The following EPS15 variants were observed in gnomAD, a reference collection of about 807,000 sequenced individuals.
EPS15 encodes epidermal growth factor receptor pathway substrate 15.
A neutral mutation model predicts 113.8 loss-of-function variants in EPS15; 72 were observed. The observed-to-expected ratio is 0.63, with a 90% CI of 0.52 to 0.77. The LOEUF is 0.77. Ranked by LOEUF, EPS15 falls within the 30% of genes least tolerant of loss-of-function variation. The pLI is 0.00. For synonymous variants in EPS15, 344 were observed against 363.4 expected, an observed-to-expected ratio of 0.95 and a Z score of 0.61; for missense variants, 1,048 against 1,045.8, an observed-to-expected ratio of 1.00 and a Z score of -0.03.
At chr1:51,468,644 TA>T in intron 4 of EPS15, 76 bp from the exon 5 acceptor site, 1 of 883,546 alleles carries the variant, frequency 1.1e-6, no homozygotes, top group Non-Finnish European at 1.8e-6. Flanking sequence ...ACTTACAATC[TA>T]AAAATATAAA....
chr1:51,369,703 A>G (rs1646601834), intron 21 of EPS15, among the ~76,000 whole-genome samples: 1 of 152,118 alleles, frequency 6.6e-6, no homozygotes, highest in South Asian at 2.1e-4. Context: ...GTACATGAAA[A>G]AGCTACATTT....
intron 21 of EPS15, among the ~76,000 whole-genome samples, chr1:51,380,267 C>G (rs1646911943): frequency 6.6e-6 from 1 of 151,420 alleles, no homozygotes; most frequent in South Asian, 2.1e-4. Context: ...GGGAGTCATT[C>G]AAGTTGAAAT....
chr1:51,433,010 G>C (rs2148465104), intron 12 of EPS15, among the ~76,000 whole-genome samples: 1 of 152,258 alleles, frequency 6.6e-6, no homozygotes, highest in South Asian at 2.1e-4. Flanking sequence ...GAACTCTCCA[G>C]ACATAATGGT....
intron 21 of EPS15, among the ~76,000 whole-genome samples, chr1:51,381,531 T>C (rs1421807040): frequency 6.6e-6 from 1 of 152,130 alleles, no homozygotes; most frequent in Non-Finnish European, 1.5e-5. Context: ...AGGCAGAGGT[T>C]GCAGTGAGCT....
Position 51,508,372 on chromosome 1 carries a change from G to GAAAGAA in EPS15, c.33+10821_33+10826dup, listed in dbSNP as rs1553139650. Among the ~76,000 whole-genome samples, 248 of 150,910 alleles carry GAAAGAA rather than the reference G, an allele frequency of 1.6e-3. 3 individuals carry two copies. The highest frequency in any genetic ancestry group is 2.6e-3 in the Non-Finnish European group (178 of 67,692). ...AGAAAGAAAGAAAGAAAGAAAGAAAGAAAGAAAGAAAGAGAAAATTTAAAC... is the reference window on the plus strand; with the variant it reads ...AGAAAGAAAGAAAGAAAGAAAGAAAGAAAGAAAAAGAAAGAAAGAGAAAATTTAAAC... On this transcript the variant is annotated intron_variant, in intron 1 of 24. Coordinates refer to ENST00000371733, the MANE Select transcript of EPS15 (RefSeq NM_001981.3).
chr1:51,457,498 T>C (rs1212579649), intron 8 of EPS15: 1 of 150,652 alleles, frequency 6.6e-6, no homozygotes, highest in Non-Finnish European at 1.5e-5. Flanking sequence ...TTTTCGGATT[T>C]TGGAATATTA....
chr1:51,465,062 A>ATG (rs1226406730), intron 6 of EPS15, among the ~76,000 whole-genome samples, 199 bp downstream of exon 6: 5 of 152,196 alleles, frequency 3.3e-5, no homozygotes, highest in African/African-American at 9.7e-5. Flanking sequence ...ATTATAACAG[A>ATG]TATACAAGTA....
intron 21 of EPS15, among the ~76,000 whole-genome samples, chr1:51,368,282 T>TA: frequency 6.6e-6 from 1 of 152,266 alleles, no homozygotes; most frequent in East Asian, 1.9e-4. Context: ...GCAAAGAAGA[T>TA]ACACTATTTT....
At chr1:51,441,486 G>C (rs1370689274) in intron 11 of EPS15, among the ~76,000 whole-genome samples, 1 of 152,054 alleles carries the variant, frequency 6.6e-6, no homozygotes, top group Non-Finnish European at 1.5e-5. Context: ...ACTGAGGCCT[G>C]AACATTTAAA....
chr1:51,514,282 T>C (rs1183813156), intron 1 of EPS15, among the ~76,000 whole-genome samples: 1 of 152,182 alleles, frequency 6.6e-6, no homozygotes, highest in Non-Finnish European at 1.5e-5. Context: ...CTGGAGTAAC[T>C]TTTCGTTTAT....
At chr1:51,499,975 A>C (rs1239599634) in intron 1 of EPS15, among the ~76,000 whole-genome samples, 1 of 152,182 alleles carries the variant, frequency 6.6e-6, no homozygotes. Flanking sequence ...CCTTGTTACC[A>C]ATTATTCTAC....
chr1:51,407,019 T>G (rs1485737005), intron 15 of EPS15, among the ~76,000 whole-genome samples: 1 of 152,182 alleles, frequency 6.6e-6, no homozygotes, highest in Non-Finnish European at 1.5e-5. Flanking sequence ...GTGAAGGACT[T>G]CATTATATGT....
Position 51,426,837 on chromosome 1 carries a change from C to CTCTCTATA in EPS15, c.1041-4980_1041-4979insTATAGAGA, listed in dbSNP as rs377211027. On this transcript the variant is annotated intron_variant, in intron 12 of 24. Transcript: ENST00000371733. ...AATCTGTCTCTCTCTCTCTCTCTCT[C>CTCTCTATA]TATATATATATATATACACACACAC... Among the ~76,000 whole-genome samples, 151 of 143,638 alleles carry CTCTCTATA rather than the reference C, an allele frequency of 1.1e-3. 1 individual carries two copies. The highest frequency in any genetic ancestry group is 1.0e-3 in the Non-Finnish European group (68 of 65,450). The allele number at this position is 143,638 out of a possible 152,430, so 94.2% of individuals were successfully genotyped here.
chr1:51,444,823 T>C, intron 11 of EPS15, 66 bp downstream of exon 11: 2 of 1,414,546 alleles, frequency 1.4e-6, no homozygotes, highest in Non-Finnish European at 2.0e-6. Context: ...AAATTGAATC[T>C]GTAATTCGAC....
In EPS15 at chr1:51,425,416, A is replaced by G. The variant is rs558169337; in HGVS notation, c.1041-3558T>C. Among the ~76,000 whole-genome samples the G allele has an allele frequency of 1.7e-4, 26 of 152,308 alleles. No homozygotes were observed. The South Asian group carries it at 4.3e-3, about 25-fold the overall frequency. ...TGATGCAATTCCAATATTATCAAAG[A>G]CAAGATAAAATCATCTTCAAAGTCC... is the stretch of plus-strand genomic sequence containing the variant. On this transcript the variant is annotated intron_variant, in intron 12 of 24. Transcript: ENST00000371733.
intron 2 of EPS15, among the ~76,000 whole-genome samples, chr1:51,480,841 C>T (rs1243976294): frequency 6.6e-6 from 1 of 152,086 alleles, no homozygotes; most frequent in Admixed American, 6.6e-5. Flanking sequence ...TGACCAGAGG[C>T]TGTATATCTG....
At chr1:51,503,157 G>C (rs1328853293) in intron 1 of EPS15, among the ~76,000 whole-genome samples, 2 of 151,826 alleles carry the variant, frequency 1.3e-5, no homozygotes, top group Non-Finnish European at 2.9e-5. Flanking sequence ...AAATAAAAAG[G>C]AAAAACATCC....
chr1:51,497,462 C>T (rs1289131071), intron 1 of EPS15, among the ~76,000 whole-genome samples: 3 of 152,102 alleles, frequency 2.0e-5, no homozygotes, highest in South Asian at 4.1e-4. Context: ...CTAATGCCCT[C>T]GAAATGATAC....
At chr1:51,508,348 G>GAAAGAAAGAA (rs1644556098) in intron 1 of EPS15, among the ~76,000 whole-genome samples, 2 of 140,598 alleles carry the variant, frequency 1.4e-5, no homozygotes, top group African/African-American at 5.4e-5. Flanking sequence ...GAGAAAGAAA[G>GAAAGAAAGAA]AAAGAAAGAA....
Sources: gnomAD v4.1 joint callset for allele counts (sites outside exome capture counted in the v4.1 genomes callset) on GRCh38, gnomAD v4.1.1 for gene constraint, MANE v1.5 for transcripts, NCBI Gene and HGNC (gene_info 2026-07-23, HGNC 2026-07-21) for gene names.